Variants in TBCD observed in about 807,000 individuals in gnomAD.
TBCD encodes the protein tubulin folding cofactor D, also known as tubulin-specific chaperone D.
TBCD carries 105 observed loss-of-function variants against 169.3 expected under a neutral mutation model. The ratio of observed to expected loss-of-function variants is 0.62; its 90% CI spans 0.53 to 0.73. The LOEUF (loss-of-function observed/expected upper bound fraction) is 0.73, where lower values mean the gene tolerates loss of function less well. TBCD is among the 30% of genes least tolerant of loss of function. The pLI is 0.00. For synonymous variants in TBCD, 700 were observed against 643.9 expected, an observed-to-expected ratio of 1.09 and a Z score of -1.32; for missense variants, 1,444 against 1,600.1, an observed-to-expected ratio of 0.90 and a Z score of 1.66.
chr17:82,910,191 T>C (rs1335815561), intron 22 of TBCD, among the ~76,000 whole-genome samples: 2 of 152,196 alleles, frequency 1.3e-5, no homozygotes, highest in Non-Finnish European at 2.9e-5. Flanking sequence ...GTGGGGCACA[T>C]GTGTGACTTC....
Position 82,766,261 on chromosome 17 carries a change from T to G in TBCD, c.334-6T>G. ...TGTTATAATTCAGCATCTCTTTATT[T>G]GATAGGTTCGAGGCTATAAAACATT... On this transcript the variant is annotated splice_region_variant and splice_polypyrimidine_tract_variant and intron_variant, in intron 3 of 38. Transcript: ENST00000355528. 1 of 1,603,452 alleles carries G rather than the reference T, an allele frequency of 6.2e-7. No individual in the cohort carries two copies. The highest frequency in any genetic ancestry group is 2.2e-5 in the East Asian group (1 of 44,708).
At chr17:82,843,703 A>G (rs923463568) in intron 13 of TBCD, among the ~76,000 whole-genome samples, 1 of 151,944 alleles carries the variant, frequency 6.6e-6, no homozygotes, top group African/African-American at 2.4e-5. Context: ...AACACTTTTC[A>G]GGCATATTCT....
intron 13 of TBCD, among the ~76,000 whole-genome samples, chr17:82,826,684 G>A (rs531184764): frequency 2.6e-5 from 4 of 152,338 alleles, no homozygotes; most frequent in African/African-American, 9.6e-5. Context: ...CCAAAGTGCT[G>A]GGATTATGGG....
Position 82,884,284 on chromosome 17 carries a change from G to A in TBCD, c.1533+82G>A. The A allele has an allele frequency of 3.0e-6, 4 of 1,331,044 alleles. No homozygotes were observed. Among genetic ancestry groups the A allele is most frequent in the Non-Finnish European group, 4.2e-6 (4 of 949,610 alleles). 82.5% of individuals were successfully genotyped at this position (1,331,044 alleles called of 1,614,324 possible). A position where few individuals can be genotyped will look rare whatever the true frequency, so the allele number is the denominator to read the frequency against. On this transcript the variant is annotated intron_variant, in intron 15 of 38. Coordinates refer to ENST00000355528, the MANE Select transcript of TBCD (RefSeq NM_005993.5). The surrounding 1 kb of genome is among the most constrained non-coding windows in gnomAD (Gnocchi z 4.2). ...CCCTGATGCTCCTCTGTGCACTGCT[G>A]CCTGGCCAGCTCACCCATCCACAGC... is the stretch of plus-strand genomic sequence containing the variant.
chr17:82,780,659 T>TTTTTTTTTTG (rs2048887392), intron 6 of TBCD, among the ~76,000 whole-genome samples: 9 of 149,060 alleles, frequency 6.0e-5, no homozygotes, highest in Non-Finnish European at 1.2e-4. Flanking sequence ...TTTTTTTTTT[T>TTTTTTTTTTG]TTTGAGACAG....
At chr17:82,883,769 G>C (rs2058535270) in intron 14 of TBCD, among the ~76,000 whole-genome samples, 1 of 152,214 alleles carries the variant, frequency 6.6e-6, no homozygotes, top group Non-Finnish European at 1.5e-5. Context: ...TCGTCCTCCA[G>C]GGCACTCCGT....
intron 13 of TBCD, among the ~76,000 whole-genome samples, chr17:82,841,448 G>T (rs2054518113): frequency 6.6e-6 from 1 of 151,998 alleles, no homozygotes; most frequent in Non-Finnish European, 1.5e-5. Flanking sequence ...CTCCCCAGTA[G>T]CTGGGACTAC....
intron 18 of TBCD, among the ~76,000 whole-genome samples, chr17:82,901,333 C>T (rs1441006573): frequency 6.6e-6 from 1 of 152,208 alleles, no homozygotes; most frequent in African/African-American, 2.4e-5. Flanking sequence ...CACGGAGCCT[C>T]GAGGAGCGGT....
In TBCD at chr17:82,911,643, A is replaced by T. The variant is rs150031574; in HGVS notation, c.2007-115A>T. ...GTTGCTCATGCTCAGTAACACATTC[A>T]ACTAGTTCTCATTTTAATGCTTTTT... On this transcript the variant is annotated intron_variant, in intron 22 of 38. Coordinates refer to ENST00000355528, the MANE Select transcript of TBCD (RefSeq NM_005993.5). 3.1e-4 allele frequency: 324 copies of T among 1,037,480 alleles called. 1 individual carries two copies. In the African/African-American group the frequency reaches 3.8e-3, roughly 12 times the overall value. The allele number at this position is 1,037,480 out of a possible 1,614,324, so 64.3% of individuals were successfully genotyped here. A position where few individuals can be genotyped will look rare whatever the true frequency, so the allele number is the denominator to read the frequency against.
intron 13 of TBCD, among the ~76,000 whole-genome samples, 189 bp downstream of exon 13, chr17:82,815,123 G>T (rs188524526): frequency 6.6e-6 from 1 of 152,240 alleles, no homozygotes; most frequent in Non-Finnish European, 1.5e-5. Context: ...CCTGCCGCGG[G>T]CACGCCCAGA....
chr17:82,903,080 C>T lies in TBCD; in HGVS notation c.1731-325C>T, dbSNP rs1433280450. 2.0e-5 allele frequency among the ~76,000 whole-genome samples: 3 copies of T among 152,146 alleles called. No individual in the cohort carries two copies. Among genetic ancestry groups the T allele is most frequent in the African/African-American group, 7.2e-5 (3 of 41,442 alleles). On this transcript the variant is annotated intron_variant, in intron 18 of 38. Transcript: ENST00000355528. The surrounding 1 kb of genome is among the most constrained non-coding windows in gnomAD (Gnocchi z 4.8). ...TTGTAATCGTGGAGGGGTGGTTTCA[C>T]GTGGCTCTATCTCACACTCACAACC... is the stretch of plus-strand genomic sequence containing the variant.
intron 23 of TBCD, among the ~76,000 whole-genome samples, chr17:82,916,166 A>G (rs2061015730): frequency 1.3e-5 from 2 of 152,150 alleles, no homozygotes; most frequent in Admixed American, 1.3e-4. Context: ...CTTTGCCTGG[A>G]GAACACTCTA....
At chr17:82,852,405 A>G (rs1271373066) in intron 13 of TBCD, among the ~76,000 whole-genome samples, 2 of 152,188 alleles carry the variant, frequency 1.3e-5, no homozygotes, top group Non-Finnish European at 2.9e-5. Flanking sequence ...TGGGGGCTCA[A>G]GCAGCACAAA....
Position 82,831,240 on chromosome 17 carries a change from C to G in TBCD, c.1318+16306C>G, listed in dbSNP as rs771824133. 6.1e-5 allele frequency: 98 copies of G among 1,613,854 alleles called. No individual in the cohort carries two copies. The highest frequency in any genetic ancestry group is 6.9e-5 in the Non-Finnish European group (82 of 1,180,056). On this transcript the variant is annotated intron_variant, in intron 13 of 38. Transcript: ENST00000355528. This position sits in a 1 kb window ranked among gnomAD's most constrained non-coding sequence, Gnocchi z 4.6. The stretch of plus-strand genomic sequence containing the variant: ...TCCCTGGGGAGCCCGTGGCTGCACT[C>G]CCTGCGCGGGGGCTCATTTTGGACC...
chr17:82,776,717 G>C (rs1360961825), intron 6 of TBCD, among the ~76,000 whole-genome samples: 1 of 152,126 alleles, frequency 6.6e-6, no homozygotes, highest in African/African-American at 2.4e-5. Flanking sequence ...GGATTGTTTC[G>C]TGAGGATGGG....
At chr17:82,852,829 G>T (rs2055910898) in intron 13 of TBCD, among the ~76,000 whole-genome samples, 1 of 152,212 alleles carries the variant, frequency 6.6e-6, no homozygotes. Flanking sequence ...AAGCATTCGT[G>T]TGTGAGTTTT....
At chr17:82,881,839 A>C (rs551582026) in intron 14 of TBCD, among the ~76,000 whole-genome samples, 2 of 151,812 alleles carry the variant, frequency 1.3e-5, no homozygotes, top group Non-Finnish European at 2.9e-5. Context: ...TCCATCTATG[A>C]ATTTCTGTTT....
intron 26 of TBCD, 63 bp from the exon 27 acceptor site, chr17:82,924,876 C>G (rs899533161): frequency 1.5e-6 from 2 of 1,342,490 alleles, no homozygotes; most frequent in Non-Finnish European, 2.1e-6. Flanking sequence ...GGGCACACGT[C>G]GGGTGTGGCT....
At chr17:82,939,181 T>A (rs1033717392) in intron 36 of TBCD, 186 bp from the exon 37 acceptor site, 28 of 617,534 alleles carry the variant, frequency 4.5e-5, no homozygotes, top group Non-Finnish European at 7.8e-5. Flanking sequence ...AGGGAGGAGG[T>A]GGTTAATGGG....
Sources: allele counts gnomAD v4.1 joint callset (sites outside exome capture counted in the v4.1 genomes callset), GRCh38; gene constraint gnomAD v4.1.1; non-coding constraint Gnocchi (gnomAD v3.1); transcripts MANE v1.5; gene names NCBI Gene and HGNC (gene_info 2026-07-23, HGNC 2026-07-21).